DLGAP1: variants seen among roughly 807,000 people sequenced by gnomAD.
The protein encoded by DLGAP1 is DLG associated protein 1, also known as disks large-associated protein 1.
In DLGAP1, 11 loss-of-function variants were observed where a neutral mutation model predicts 90.8. The observed-to-expected ratio is 0.12, with a 90% confidence interval of 0.08 to 0.20. The LOEUF is 0.20. Ranked by LOEUF, DLGAP1 falls within the 10% of genes least tolerant of loss-of-function variation. The pLI is 1.00. For synonymous variants in DLGAP1, 558 were observed against 540.7 expected (o/e 1.03, Z -0.44); for missense variants, 1,050 against 1,333.8 (o/e 0.79, Z 3.31).
chr18:3,725,367 T>C (rs1372268550), intron 7 of DLGAP1, among the ~76,000 whole-genome samples: 2 of 152,212 alleles, frequency 1.3e-5, no homozygotes, highest in South Asian at 2.1e-4. Context: ...CTTAAACACA[T>C]AGAATTGCAT....
chr18:3,824,231 T>C (rs2067589181), intron 4 of DLGAP1, among the ~76,000 whole-genome samples: 1 of 152,150 alleles, frequency 6.6e-6, no homozygotes, highest in Admixed American at 6.5e-5. Flanking sequence ...TTGAATTCCC[T>C]GAGGCAAACT....
chr18:3,682,613 G>A (rs998994791), intron 7 of DLGAP1, among the ~76,000 whole-genome samples: 3 of 152,168 alleles, frequency 2.0e-5, no homozygotes, highest in African/African-American at 7.2e-5. Flanking sequence ...CTCTAAGAAG[G>A]TGTTTGGCTA....
At chr18:3,545,611 C>G (rs572339523) in intron 9 of DLGAP1, among the ~76,000 whole-genome samples, 112 of 152,176 alleles carry the variant, frequency 7.4e-4, no homozygotes, top group African/African-American at 2.6e-3. Context: ...AATCTCAGCA[C>G]TTTGGGAAGC....
chr18:3,877,563 A>T (rs1173481764), intron 4 of DLGAP1, among the ~76,000 whole-genome samples: 1 of 152,168 alleles, frequency 6.6e-6, no homozygotes, highest in Admixed American at 6.5e-5. Flanking sequence ...TACTTTTTGT[A>T]AGACAGATAT....
chr18:4,081,442 G>A (rs983125704), intron 2 of DLGAP1, among the ~76,000 whole-genome samples: 11 of 152,120 alleles, frequency 7.2e-5, no homozygotes, highest in Non-Finnish European at 8.8e-5. Flanking sequence ...CCTATAGTGT[G>A]CCTCCTGTTG....
intron 3 of DLGAP1, among the ~76,000 whole-genome samples, chr18:3,980,522 A>C (rs1481033018): frequency 6.6e-6 from 1 of 152,212 alleles, no homozygotes; most frequent in African/African-American, 2.4e-5. Flanking sequence ...TGTGTTTGCA[A>C]AAGGAAGGGC....
At chr18:3,528,851 T>A (rs586788) in intron 10 of DLGAP1, among the ~76,000 whole-genome samples, 8 of 151,976 alleles carry the variant, frequency 5.3e-5, no homozygotes, top group Non-Finnish European at 7.4e-5. Context: ...ATTTCGTGTC[T>A]CTCAAAGTAT....
chr18:3,686,077 T>C (rs950031535), intron 7 of DLGAP1, among the ~76,000 whole-genome samples: 4 of 152,096 alleles, frequency 2.6e-5, no homozygotes, highest in Admixed American at 2.0e-4. Flanking sequence ...CTTGGGAGGC[T>C]GAGGCAGGAG....
intron 1 of DLGAP1, among the ~76,000 whole-genome samples, chr18:4,185,059 C>T (rs1321075287): frequency 6.6e-6 from 1 of 152,078 alleles, no homozygotes; most frequent in Non-Finnish European, 1.5e-5. Flanking sequence ...ATCTTTTCCT[C>T]ATTCATCTTT....
intron 2 of DLGAP1, among the ~76,000 whole-genome samples, chr18:4,058,350 G>C (rs1349338263): frequency 6.6e-6 from 1 of 152,176 alleles, no homozygotes; most frequent in Non-Finnish European, 1.5e-5. Context: ...TCATATGTCT[G>C]TTGGCTCATT....
intron 1 of DLGAP1, among the ~76,000 whole-genome samples, chr18:4,217,688 T>C (rs2077987414): frequency 1.3e-5 from 2 of 152,136 alleles, no homozygotes; most frequent in Admixed American, 1.3e-4. Flanking sequence ...TCAGACCTTT[T>C]TCCCATTTCC....
intron 2 of DLGAP1, among the ~76,000 whole-genome samples, chr18:4,133,856 C>G (rs1002232945): frequency 2.0e-5 from 3 of 151,620 alleles, no homozygotes; most frequent in Non-Finnish European, 4.4e-5. Context: ...GGTGGCTGGT[C>G]GAGAGGATGT....
At chr18:4,192,143 A>G (rs2077412994) in intron 1 of DLGAP1, among the ~76,000 whole-genome samples, 2 of 152,276 alleles carry the variant, frequency 1.3e-5, no homozygotes, top group Middle Eastern at 3.4e-3. Flanking sequence ...GCCCTTATTT[A>G]TAACATTTCT....
intron 4 of DLGAP1, among the ~76,000 whole-genome samples, chr18:3,861,123 GAGA>G (rs2070025976): frequency 6.6e-6 from 1 of 152,130 alleles, no homozygotes; most frequent in South Asian, 2.1e-4. Context: ...CGCTTATATA[GAGA>G]AGATCTTCAT....
At chr18:4,152,613 G>A (rs1019532446) in intron 1 of DLGAP1, among the ~76,000 whole-genome samples, 1 of 152,184 alleles carries the variant, frequency 6.6e-6, no homozygotes, top group African/African-American at 2.4e-5. Flanking sequence ...TTTGAGACTG[G>A]CAAAGCTGAC....
chr18:4,373,238 T>C (rs144882703), intron 1 of DLGAP1, among the ~76,000 whole-genome samples: 12 of 151,990 alleles, frequency 7.9e-5, no homozygotes, highest in Admixed American at 2.6e-4. Flanking sequence ...ACAGTAATAA[T>C]CTAAGAGAAA....
intron 7 of DLGAP1, among the ~76,000 whole-genome samples, chr18:3,634,809 C>T (rs994508533): frequency 1.1e-4 from 16 of 152,132 alleles, no homozygotes; most frequent in Non-Finnish European, 7.4e-5. Context: ...TGAATTTATT[C>T]GAAGGTGAAC....
Position 4,296,266 on chromosome 18 carries a change from C to G in DLGAP1, c.-266-144979G>C, listed in dbSNP as rs535059346. ...CTGAAGACCGAGACTGTGTAACTCA[C>G]CTTTATAACTCTCACAGCCTAAAGC... On this transcript the variant is annotated intron_variant, in intron 1 of 12. Transcript: ENST00000315677. 2.4e-4 allele frequency among the ~76,000 whole-genome samples: 30 copies of G among 123,580 alleles called. No individual in the cohort carries two copies. In the South Asian group the frequency reaches 5.5e-3, roughly 23 times the overall value. The allele number at this position is 123,580 out of a possible 152,430, so 81.1% of individuals were successfully genotyped here.
chr18:4,445,278 A>C (rs922633225), intron 1 of DLGAP1, among the ~76,000 whole-genome samples: 10 of 146,632 alleles, frequency 6.8e-5, no homozygotes, highest in African/African-American at 2.5e-4. Context: ...TTCCCTCTCT[A>C]ATAACTAATT....
Sources: allele counts gnomAD v4.1 joint callset (sites outside exome capture counted in the v4.1 genomes callset), GRCh38; gene constraint gnomAD v4.1.1; transcripts MANE v1.5; gene names NCBI Gene and HGNC (gene_info 2026-07-23, HGNC 2026-07-21).